The following ZSWIM5 variants were observed in gnomAD, a reference collection of about 807,000 sequenced individuals.
ZSWIM5 encodes zinc finger SWIM-type containing 5.
In ZSWIM5, 55 loss-of-function variants were observed where a neutral mutation model predicts 119.6. The ratio of observed to expected loss-of-function variants is 0.46; its 90% CI spans 0.37 to 0.58. The LOEUF is 0.58. ZSWIM5 is among the 20% of genes least tolerant of loss of function. The pLI, the probability that ZSWIM5 is intolerant of heterozygous loss-of-function variation, is 0.00. For missense variants in ZSWIM5, 1,193 were observed against 1,512.8 expected, an observed-to-expected ratio of 0.79 and a Z score of 3.51; for synonymous variants, 537 against 606.9, an observed-to-expected ratio of 0.88 and a Z score of 1.69.
In ZSWIM5 at chr1:45,206,299, G is replaced by C. The variant is rs1287296586; in HGVS notation, c.52C>G (p.Pro18Ala). The C allele has an allele frequency of 6.4e-7, 1 of 1,558,136 alleles. No individual in the cohort carries two copies. The highest frequency in any genetic ancestry group is 1.4e-5 in the African/African-American group (1 of 73,348). Reference sequence around the variant, plus strand: ...GGCCACGAACACTGCCGCTTAGCCGGAGAGACCGGTGACGGCGAGAGCAGC... The same window carrying C: ...GGCCACGAACACTGCCGCTTAGCCGCAGAGACCGGTGACGGCGAGAGCAGC... ...EELLSPSPVS[P>A]AKRQCSWPSP... Residue 18 changes from proline (P) to alanine (A), a missense_variant, in exon 1 of 14, where the codon CCG (proline) becomes GCG (alanine). By Grantham distance (27) the Pro-to-Ala change is conservative. Around this residue, in one of 2 missense-constraint regions of ZSWIM5, gnomAD observed 232 missense variants for 222.9 expected, o/e 1.04. Coordinates refer to ENST00000359600, the MANE Select transcript of ZSWIM5 (RefSeq NM_020883.2).
rs770303571 is a variant in ZSWIM5, at chr1:45,018,584, C to T, written c.3428G>A (p.Ser1143Asn). Residue 1143 changes from serine (S) to asparagine (N), a missense_variant, in exon 14 of 14, where the codon AGC becomes AAC. Ser to Asn is a conservative substitution (Grantham distance 46, BLOSUM62 1). This residue lies in a region of ZSWIM5 where 961 missense variants were observed against 1,290.0 expected (regional missense o/e 0.74). Transcript: ENST00000359600. This position sits in a 1 kb window ranked among gnomAD's most constrained non-coding sequence, Gnocchi z 6.7. The part of the protein sequence containing the change: ...RHYGEFIEFL[S>N]KARETFLLPQ... ...CAGCAGGAAGGTCTCCCGAGCCTTG[C>T]TTAGAAACTCAATGAACTCTCCATA... 8 of 1,614,224 alleles carry T rather than the reference C, an allele frequency of 5.0e-6. No homozygotes were observed. The highest frequency in any genetic ancestry group is 6.8e-6 in the Non-Finnish European group (8 of 1,180,036).
chr1:45,065,902 T>C (rs1645180204), intron 2 of ZSWIM5, among the ~76,000 whole-genome samples: 1 of 152,002 alleles, frequency 6.6e-6, no homozygotes, highest in Admixed American at 6.6e-5. Context: ...AGGGTACATG[T>C]GCACAATGTG....
chr1:45,076,141 T>G (rs940426321), intron 2 of ZSWIM5, among the ~76,000 whole-genome samples: 1 of 152,150 alleles, frequency 6.6e-6, no homozygotes, highest in Non-Finnish European at 1.5e-5. Context: ...TACTTAAGAG[T>G]AGTTTACACA....
chr1:45,060,169 T>C lies in ZSWIM5; in HGVS notation c.1031A>G (p.Gln344Arg). The change falls in exon 3 of 14, where the codon CAA becomes CGA. Residue 344 changes from glutamine to arginine, a missense_variant. Around this residue, in one of 2 missense-constraint regions of ZSWIM5, gnomAD observed 961 missense variants for 1,290.0 expected, o/e 0.74. Coordinates refer to ENST00000359600, the MANE Select transcript of ZSWIM5 (RefSeq NM_020883.2). ...GCCCTGGGAGAGAAAAAGCTTCACT[T>C]GTTCTTTCACCTGTTCTTCATCCAA... ...WHLDEEQVKEQVKLFLSQGGY... is the reference protein window; with the variant it reads ...WHLDEEQVKERVKLFLSQGGY... 1.2e-6 allele frequency: 2 copies of C among 1,614,194 alleles called. No homozygotes were observed. The highest frequency in any genetic ancestry group is 1.7e-4 in the Middle Eastern group (1 of 6,056).
At chr1:45,079,092 G>A (rs1645273098) in intron 2 of ZSWIM5, among the ~76,000 whole-genome samples, 1 of 152,074 alleles carries the variant, frequency 6.6e-6, no homozygotes, top group African/African-American at 2.4e-5. Flanking sequence ...ACATTACCTT[G>A]TGAAATTCCT....
At chr1:45,117,071 CAGCCTATTTGT>C (rs1645562842) in intron 1 of ZSWIM5, among the ~76,000 whole-genome samples, 1 of 152,176 alleles carries the variant, frequency 6.6e-6, no homozygotes, top group Admixed American at 6.5e-5. Flanking sequence ...ACACAGAAGG[CAGCCTATTTGT>C]ATGAGGGTGA....
chr1:45,184,130 A>G (rs889345477), intron 1 of ZSWIM5, among the ~76,000 whole-genome samples: 2 of 152,254 alleles, frequency 1.3e-5, no homozygotes, highest in African/African-American at 4.8e-5. Flanking sequence ...GCATATAAAC[A>G]GAACCAAAGA....
intron 2 of ZSWIM5, among the ~76,000 whole-genome samples, chr1:45,083,396 G>A (rs538957617): frequency 3.3e-5 from 5 of 151,908 alleles, no homozygotes; most frequent in East Asian, 3.9e-4. Flanking sequence ...GACCACAAGC[G>A]CACACTACCA....
At chr1:45,186,774 C>G (rs992370593) in intron 1 of ZSWIM5, among the ~76,000 whole-genome samples, 6 of 151,894 alleles carry the variant, frequency 4.0e-5, no homozygotes, top group Non-Finnish European at 1.5e-5. Flanking sequence ...TATTTTTAGT[C>G]AAGACCGGGT....
At chr1:45,164,211 A>G (rs992467141) in intron 1 of ZSWIM5, among the ~76,000 whole-genome samples, 1 of 152,184 alleles carries the variant, frequency 6.6e-6, no homozygotes, top group Non-Finnish European at 1.5e-5. Context: ...TTTCATAACC[A>G]GCCAAACTAA....
intron 5 of ZSWIM5, among the ~76,000 whole-genome samples, chr1:45,050,311 C>T (rs1231919942): frequency 6.6e-6 from 1 of 152,104 alleles, no homozygotes; most frequent in Non-Finnish European, 1.5e-5. Context: ...GAGCCAAGAT[C>T]GCGCCACTGC....
In ZSWIM5 at chr1:45,061,027, G is replaced by A. The variant is rs367965935; in HGVS notation, c.953-780C>T. On this transcript the variant is annotated intron_variant, in intron 2 of 13. Transcript: ENST00000359600. Reference sequence around the variant, plus strand: ...AAAGCATAAGTAGAGTTTCATACAGGGTGATATGATTTTATAAATTTATAT... The same window carrying A: ...AAAGCATAAGTAGAGTTTCATACAGAGTGATATGATTTTATAAATTTATAT... Among the ~76,000 whole-genome samples the A allele has an allele frequency of 9.9e-5, 15 of 151,950 alleles. No homozygotes were observed. In the South Asian group the frequency reaches 3.1e-3, roughly 32 times the overall value.
intron 1 of ZSWIM5, among the ~76,000 whole-genome samples, chr1:45,105,515 G>A (rs1645466804): frequency 7.0e-6 from 1 of 143,282 alleles, no homozygotes; most frequent in Non-Finnish European, 1.5e-5. Context: ...GCCTCTGCCT[G>A]GCCGCCCCGT....
chr1:45,053,079 C>T (rs543667374), intron 4 of ZSWIM5, among the ~76,000 whole-genome samples: 2 of 150,204 alleles, frequency 1.3e-5, no homozygotes, highest in African/African-American at 4.9e-5. Context: ...GCTGAGATCC[C>T]GCCATTGCAC....
At chr1:45,182,688 A>C (rs1334408701) in intron 1 of ZSWIM5, among the ~76,000 whole-genome samples, 7 of 151,966 alleles carry the variant, frequency 4.6e-5, no homozygotes, top group Non-Finnish European at 1.0e-4. Flanking sequence ...CAATTCAACA[A>C]GAAGAGCTAA....
At chr1:45,052,725 A>G (rs1478045856) in intron 4 of ZSWIM5, among the ~76,000 whole-genome samples, 1 of 150,984 alleles carries the variant, frequency 6.6e-6, no homozygotes, top group Non-Finnish European at 1.5e-5. Context: ...GTGAGCCGAG[A>G]TCACACCACT....
chr1:45,124,874 G>A (rs1475840144), intron 1 of ZSWIM5, among the ~76,000 whole-genome samples: 2 of 152,150 alleles, frequency 1.3e-5, no homozygotes, highest in African/African-American at 4.8e-5. Flanking sequence ...CATAATGATA[G>A]AGTCAATTAA....
intron 1 of ZSWIM5, among the ~76,000 whole-genome samples, chr1:45,153,493 G>C (rs1196117400): frequency 6.9e-6 from 1 of 145,408 alleles, no homozygotes; most frequent in Non-Finnish European, 1.5e-5. Context: ...GCAACAGAGT[G>C]AGACTCTGTC....
intron 1 of ZSWIM5, among the ~76,000 whole-genome samples, chr1:45,172,775 G>A (rs1329430477): frequency 2.0e-5 from 3 of 152,142 alleles, no homozygotes; most frequent in Non-Finnish European, 2.9e-5. Context: ...GTTTAGAGCA[G>A]TTAAACAAAG....
Sources: allele counts gnomAD v4.1 joint callset (sites outside exome capture counted in the v4.1 genomes callset), GRCh38; gene constraint gnomAD v4.1.1; regional missense constraint gnomAD v4.1.1; non-coding constraint Gnocchi (gnomAD v3.1); transcripts MANE v1.5; gene names NCBI Gene and HGNC (gene_info 2026-07-23, HGNC 2026-07-21).